Variants in FGFR2 observed in about 807,000 individuals in gnomAD.
FGFR2 encodes the protein BEK fibroblast growth factor receptor.
FGFR2 carries 19 observed loss-of-function variants against 95.9 expected under a neutral mutation model. That is an observed-to-expected ratio of 0.20 (90% CI 0.14 to 0.29). The LOEUF (loss-of-function observed/expected upper bound fraction) is 0.29, where lower values mean the gene tolerates loss of function less well. FGFR2 is among the 10% of genes least tolerant of loss of function. The pLI, the probability that FGFR2 is intolerant of heterozygous loss-of-function variation, is 1.00. For synonymous variants in FGFR2, 392 were observed against 393.3 expected, an observed-to-expected ratio of 1.00 and a Z score of 0.04; for missense variants, 707 against 1,056.9, an observed-to-expected ratio of 0.67 and a Z score of 4.59.
At chr10:121,487,513 C>G in intron 14 of FGFR2, 89 bp from the exon 15 acceptor site, 1 of 1,111,346 alleles carries the variant, frequency 9.0e-7, no homozygotes, top group Non-Finnish European at 1.3e-6. Flanking sequence ...TGTTTAAGAG[C>G]TGATATTCTC....
Position 121,517,165 on chromosome 10 carries a change from G to A in FGFR2, c.1084+154C>T, listed in dbSNP as rs1172078259. ...ATCTCACTGTGTGTGAATTTCCAAG[G>A]CAGTTTTCTTATCCCTGAGGGATCA... On this transcript the variant is annotated intron_variant, in intron 8 of 17. Transcript: ENST00000358487. This position sits in a 1 kb window ranked among gnomAD's most constrained non-coding sequence, Gnocchi z 4.7. 3 of 810,124 alleles carry A rather than the reference G, an allele frequency of 3.7e-6. No homozygotes were observed. Among genetic ancestry groups the A allele is most frequent in the East Asian group, 2.7e-5 (1 of 37,382 alleles). The allele number at this position is 810,124 out of a possible 1,614,324, so 50.2% of individuals were successfully genotyped here. A position where few individuals can be genotyped will look rare whatever the true frequency, so the allele number is the denominator to read the frequency against.
rs559128483 is a variant in FGFR2 at position 121,538,224 on chromosome 10, GA to G, written c.748+367del. ...GGCCTTCTACAGTTGCCCTGTTGGG[GA>G]AATGATGCTTCTCTTTTAAAACCAA... is the stretch of plus-strand genomic sequence containing the variant. On this transcript the variant is annotated intron_variant, in intron 6 of 17. Transcript: ENST00000358487. 9.4e-5 allele frequency: 60 copies of G among 637,410 alleles called. No individual in the cohort carries two copies. The African/African-American group carries it at 9.7e-4, about 10-fold the overall frequency. The allele number at this position is 637,410 out of a possible 1,614,324, so 39.5% of individuals were successfully genotyped here.
At position 121,487,413 on chromosome 10, in the gene FGFR2, T is replaced by C; in HGVS notation, c.1998A>G (p.Pro666=). 4 of 1,614,110 alleles carry C rather than the reference T, an allele frequency of 2.5e-6. No homozygotes were observed. Among genetic ancestry groups the C allele is most frequent in the Non-Finnish European group, 3.4e-6 (4 of 1,179,946 alleles). ...GGGCTTCTGGAGCCATCCACTTGAC[T>C]GGAAGCCGCCCCTGCAAATGTAGAG... is the stretch of plus-strand genomic sequence containing the variant. ...YYKKTTNGRL[P]VKWMAPEALF... Residue 666 remains proline, a synonymous_variant, in exon 15 of 18, where the codon CCA becomes CCG. Coordinates refer to ENST00000358487, the MANE Select transcript of FGFR2 (RefSeq NM_000141.5).
chr10:121,590,714 A>T (rs756667008), intron 2 of FGFR2, among the ~76,000 whole-genome samples: 29 of 152,196 alleles, frequency 1.9e-4, no homozygotes, highest in Non-Finnish European at 3.8e-4. Context: ...ATGACTAAAC[A>T]TAACCTTTCC....
intron 1 of FGFR2, among the ~76,000 whole-genome samples, chr10:121,595,188 T>C (rs1863233229): frequency 6.6e-6 from 1 of 152,244 alleles, no homozygotes; most frequent in Non-Finnish European, 1.5e-5. Context: ...CTCTAAACTC[T>C]ACATTTTTTA....
At chr10:121,597,237 C>A (rs955905970) in intron 1 of FGFR2, among the ~76,000 whole-genome samples, 1 of 152,182 alleles carries the variant, frequency 6.6e-6, no homozygotes, top group Non-Finnish European at 1.5e-5. Flanking sequence ...TTCCCCAGCG[C>A]GGCCCCGTGG....
rs776136632 is a variant in FGFR2, at chr10:121,595,464, GGT to G, written c.-150-1499_-150-1498del. ...GTGTACACGGTGTGTGTGCGTGCAT[GGT>G]GTGTGTGTATGCACGGTGTGTGTGT... On this transcript the variant is annotated intron_variant, in intron 1 of 17. Coordinates refer to ENST00000358487, the MANE Select transcript of FGFR2 (RefSeq NM_000141.5). Among the ~76,000 whole-genome samples the G allele has an allele frequency of 1.6e-4, 25 of 152,050 alleles. No homozygotes were observed. The East Asian group carries it at 3.9e-3, about 23-fold the overall frequency.
chr10:121,560,449 C>T (rs1415023218), intron 4 of FGFR2, among the ~76,000 whole-genome samples: 1 of 151,690 alleles, frequency 6.6e-6, no homozygotes, highest in Non-Finnish European at 1.5e-5. Flanking sequence ...CCCATCTCTA[C>T]TAAAAAATAC....
At chr10:121,549,077 T>G (rs576022554) in intron 5 of FGFR2, among the ~76,000 whole-genome samples, 4 of 152,344 alleles carry the variant, frequency 2.6e-5, no homozygotes, top group Middle Eastern at 3.4e-3. Context: ...CTAGCAGATC[T>G]GCCTCATAAC....
chr10:121,530,105 G>A (rs565138494), intron 6 of FGFR2, among the ~76,000 whole-genome samples: 82 of 152,188 alleles, frequency 5.4e-4, no homozygotes, highest in Non-Finnish European at 1.1e-3. Flanking sequence ...ACGCACAGTG[G>A]TTCTCTGATG....
intron 1 of FGFR2, among the ~76,000 whole-genome samples, chr10:121,595,481 G>GGTGT: frequency 6.6e-6 from 1 of 151,804 alleles, no homozygotes; most frequent in African/African-American, 2.4e-5. Flanking sequence ...GTGTATGCAC[G>GGTGT]GTGTGTGTGT....
In FGFR2 at chr10:121,523,197, ATCAT is replaced by A. The variant is rs1160640641; in HGVS notation, c.749-3032_749-3029del. ...ATAAGGATACTGGAGCCGCAAAGAA[ATCAT>A]TCATCTGCCCCTATATTGCCCATGT... is the stretch of plus-strand genomic sequence containing the variant. On this transcript the variant is annotated intron_variant, in intron 6 of 17. Transcript: ENST00000358487. 5.9e-5 allele frequency among the ~76,000 whole-genome samples: 9 copies of A among 152,326 alleles called. No homozygotes were observed. In the South Asian group the frequency reaches 1.5e-3, roughly 25 times the overall value.
chr10:121,486,835 C>A (rs1845476889), intron 15 of FGFR2, among the ~76,000 whole-genome samples: 1 of 152,178 alleles, frequency 6.6e-6, no homozygotes, highest in African/African-American at 2.4e-5. Flanking sequence ...TACTGTGTTT[C>A]TAGAATGCTA....
intron 12 of FGFR2, among the ~76,000 whole-genome samples, chr10:121,497,951 C>T (rs1308508350): frequency 6.6e-6 from 1 of 152,188 alleles, no homozygotes; most frequent in Non-Finnish European, 1.5e-5. Flanking sequence ...TTACTAATTA[C>T]TTAGCAAATT....
At chr10:121,521,029 G>A (rs898919851) in intron 6 of FGFR2, among the ~76,000 whole-genome samples, 21 of 152,172 alleles carry the variant, frequency 1.4e-4, no homozygotes, top group African/African-American at 5.1e-4. Context: ...GTTATGAACA[G>A]ATTTGATTAA....
At chr10:121,516,152 C>T (rs2981453) in intron 8 of FGFR2, among the ~76,000 whole-genome samples, 43,027 of 152,038 alleles carry the variant, frequency 0.28, 6,511 homozygotes, top group Non-Finnish European at 0.32. Context: ...GATCCATCTA[C>T]AAGCAGTGTA....
intron 5 of FGFR2, among the ~76,000 whole-genome samples, chr10:121,550,013 G>T (rs925763794): frequency 7.2e-5 from 11 of 152,180 alleles, no homozygotes; most frequent in Non-Finnish European, 1.3e-4. Flanking sequence ...ATGCATCAGA[G>T]AATTTCATCA....
intron 5 of FGFR2, among the ~76,000 whole-genome samples, chr10:121,549,485 C>T (rs565420689): frequency 6.6e-6 from 1 of 152,312 alleles, no homozygotes; most frequent in South Asian, 2.1e-4. Context: ...CAGATGGGTT[C>T]CGGTGATCCC....
intron 17 of FGFR2, among the ~76,000 whole-genome samples, chr10:121,481,646 A>G (rs1425188179): frequency 6.6e-6 from 1 of 152,130 alleles, no homozygotes; most frequent in Non-Finnish European, 1.5e-5. Context: ...TTTCAGAAGG[A>G]AAGAAACTTC....
Sources: allele counts gnomAD v4.1 joint callset (sites outside exome capture counted in the v4.1 genomes callset), GRCh38; gene constraint gnomAD v4.1.1; non-coding constraint Gnocchi (gnomAD v3.1); transcripts MANE v1.5; gene names NCBI Gene and HGNC (gene_info 2026-07-23, HGNC 2026-07-21).